Variants in KIAA1328 observed in about 807,000 individuals in gnomAD.
The protein encoded by KIAA1328 is protein hinderin.
In KIAA1328, 52 loss-of-function variants were observed where a neutral mutation model predicts 68.1. The ratio of observed to expected loss-of-function variants is 0.76; its 90% CI spans 0.61 to 0.96. The LOEUF (loss-of-function observed/expected upper bound fraction) is 0.96. Among genes scored for constraint, KIAA1328 ranks in the 40% least tolerant of loss-of-function variants. The probability of loss-of-function intolerance (pLI) is 0.00; values close to 1 mark genes in which losing one functional copy is unlikely to be tolerated. For missense variants in KIAA1328, 641 were observed against 677.6 expected (o/e 0.95, Z 0.60); for synonymous variants, 232 against 239.4 (o/e 0.97, Z 0.28).
intron 7 of KIAA1328, among the ~76,000 whole-genome samples, chr18:37,145,480 G>C (rs562075097): frequency 1.3e-5 from 2 of 152,220 alleles, no homozygotes; most frequent in East Asian, 3.9e-4. Context: ...CAATAGTATT[G>C]TTCACTTCTT....
At chr18:36,875,755 A>G (rs1028069756) in intron 4 of KIAA1328, among the ~76,000 whole-genome samples, 4 of 152,222 alleles carry the variant, frequency 2.6e-5, no homozygotes, top group African/African-American at 9.7e-5. Flanking sequence ...AGGTTTTCAA[A>G]GGGAATGCTT....
intron 7 of KIAA1328, among the ~76,000 whole-genome samples, chr18:37,148,135 C>T (rs934457990): frequency 6.6e-6 from 1 of 152,096 alleles, no homozygotes; most frequent in Non-Finnish European, 1.5e-5. Context: ...CCCCCCACCA[C>T]ACCTCCCAAC....
intron 3 of KIAA1328, among the ~76,000 whole-genome samples, chr18:36,842,846 C>T (rs2046905828): frequency 6.6e-6 from 1 of 152,018 alleles, no homozygotes; most frequent in Admixed American, 6.6e-5. Context: ...TGAACCCACA[C>T]TATTCTTGAA....
At chr18:36,900,847 C>A (rs2049013079) in intron 5 of KIAA1328, among the ~76,000 whole-genome samples, 1 of 151,914 alleles carries the variant, frequency 6.6e-6, no homozygotes, top group Admixed American at 6.6e-5. Context: ...ATATACAAAT[C>A]AGGGATGCTT....
At chr18:37,112,320 A>G (rs927314312) in intron 7 of KIAA1328, among the ~76,000 whole-genome samples, 3 of 152,280 alleles carry the variant, frequency 2.0e-5, no homozygotes, top group Admixed American at 2.0e-4. Context: ...CTCTGAAATG[A>G]AACTTCCAGA....
Position 37,066,916 on chromosome 18 carries a change from G to A in KIAA1328, c.603G>A (p.Gln201=), listed in dbSNP as rs1165737342. The change falls in exon 7 of 10, where the codon CAG becomes CAA. Residue 201 remains glutamine, a synonymous_variant. Transcript: ENST00000280020. ...TATCCAGTAGAAAAAGCACTCTCCA[G>A]TGTTCATCTGTGGAACTGGATGGTT... ...QQVSSRKSTL[Q]CSSVELDGSY... The A allele has an allele frequency of 6.9e-6, 11 of 1,605,212 alleles. No individual in the cohort carries two copies. The highest frequency in any genetic ancestry group is 1.1e-5 in the South Asian group (1 of 89,418).
In KIAA1328 at chr18:37,143,521, C is replaced by CTTTT. The variant is rs57046567; in HGVS notation, c.1233-16660_1233-16657dup. On this transcript the variant is annotated intron_variant, in intron 7 of 9. Coordinates refer to ENST00000280020, the MANE Select transcript of KIAA1328 (RefSeq NM_020776.3). ...CCAAGCTTTATGCCTTTTTTTCTTTCTTTTTTTTTTTTTTTTTTTTTTGCT... is the reference window on the plus strand; with the variant it reads ...CCAAGCTTTATGCCTTTTTTTCTTTCTTTTTTTTTTTTTTTTTTTTTTTTTTGCT... 1.9e-3 allele frequency among the ~76,000 whole-genome samples: 168 copies of CTTTT among 90,590 alleles called. 1 individual carries two copies. Among genetic ancestry groups the CTTTT allele is most frequent in the East Asian group, 3.0e-3 (8 of 2,666 alleles). The allele number at this position is 90,590 out of a possible 152,430, so 59.4% of individuals were successfully genotyped here.
chr18:37,127,354 TAAATC>T (rs2058418510), intron 7 of KIAA1328, among the ~76,000 whole-genome samples: 1 of 152,088 alleles, frequency 6.6e-6, no homozygotes, highest in Non-Finnish European at 1.5e-5. Context: ...TACATACAGA[TAAATC>T]TAATAACATC....
Position 36,885,536 on chromosome 18 carries a change from GT to G in KIAA1328, c.333-8del, listed in dbSNP as rs752016737. On this transcript the variant is annotated intron_variant, in intron 4 of 9. Transcript: ENST00000280020. ...AATTTTATTCTGATAGATGTTAAAG[GT>G]TTTTTTTTTTTTATTTCAGAGTAAG... is the stretch of plus-strand genomic sequence containing the variant. The G allele has an allele frequency of 0.074, 71,703 of 966,734 alleles. 42 individuals are homozygous for G. The highest frequency in any genetic ancestry group is 0.1 in the South Asian group (5,343 of 52,666). 59.9% of individuals were successfully genotyped at this position (966,734 alleles called of 1,614,324 possible).
chr18:37,217,422 A>T (rs1273023126), intron 9 of KIAA1328, among the ~76,000 whole-genome samples: 2 of 152,106 alleles, frequency 1.3e-5, no homozygotes, highest in Non-Finnish European at 2.9e-5. Context: ...TGCCTTTACT[A>T]ATGAAGCTTA....
intron 7 of KIAA1328, among the ~76,000 whole-genome samples, chr18:37,077,014 A>G (rs960560483): frequency 1.3e-5 from 2 of 152,206 alleles, no homozygotes; most frequent in South Asian, 2.1e-4. Context: ...TACCAAAGCC[A>G]GGCAGAGACA....
At chr18:37,077,357 C>G (rs1168264566) in intron 7 of KIAA1328, among the ~76,000 whole-genome samples, 1 of 145,228 alleles carries the variant, frequency 6.9e-6, no homozygotes, top group African/African-American at 2.8e-5. Context: ...CTATCTATGA[C>G]AAACCCACAG....
At chr18:36,897,952 T>C (rs938880914) in intron 5 of KIAA1328, among the ~76,000 whole-genome samples, 3 of 152,076 alleles carry the variant, frequency 2.0e-5, no homozygotes, top group African/African-American at 7.2e-5. Context: ...TAATTACAAA[T>C]TGATGTCTCA....
chr18:37,045,216 G>A (rs1354884725), intron 6 of KIAA1328, among the ~76,000 whole-genome samples: 1 of 152,102 alleles, frequency 6.6e-6, no homozygotes, highest in Non-Finnish European at 1.5e-5. Flanking sequence ...CCAACGTGTA[G>A]CCTTCTTCAG....
At chr18:37,030,395 G>A (rs1047217146) in intron 6 of KIAA1328, among the ~76,000 whole-genome samples, 1 of 151,702 alleles carries the variant, frequency 6.6e-6, no homozygotes, top group Non-Finnish European at 1.5e-5. Context: ...AAGTATTCTT[G>A]TTATTTCCTC....
chr18:36,898,659 G>C (rs2048939388), intron 5 of KIAA1328, among the ~76,000 whole-genome samples: 1 of 151,992 alleles, frequency 6.6e-6, no homozygotes, highest in Admixed American at 6.6e-5. Flanking sequence ...GGCTGGTATA[G>C]TGACGCCGCA....
intron 4 of KIAA1328, among the ~76,000 whole-genome samples, chr18:36,846,372 A>G (rs2047028554): frequency 6.6e-6 from 1 of 151,584 alleles, no homozygotes; most frequent in African/African-American, 2.4e-5. Context: ...CCTTTTTTCT[A>G]GAAAGAATAG....
At chr18:37,166,953 A>T (rs1426155904) in intron 8 of KIAA1328, among the ~76,000 whole-genome samples, 1 of 152,278 alleles carries the variant, frequency 6.6e-6, no homozygotes, top group Non-Finnish European at 1.5e-5. Context: ...AAACAAGCCC[A>T]GGACCAGATG....
At chr18:36,917,924 A>G (rs2049769693) in intron 5 of KIAA1328, among the ~76,000 whole-genome samples, 1 of 149,756 alleles carries the variant, frequency 6.7e-6, no homozygotes, top group East Asian at 2.0e-4. Flanking sequence ...CTCCCCTCCC[A>G]TTTTTCCTGT....
Sources: allele counts gnomAD v4.1 joint callset (sites outside exome capture counted in the v4.1 genomes callset), GRCh38; gene constraint gnomAD v4.1.1; transcripts MANE v1.5; gene names NCBI Gene and HGNC (gene_info 2026-07-23, HGNC 2026-07-21).